Variants in SLC47A2 observed in about 807,000 individuals in gnomAD.
The protein encoded by SLC47A2 is solute carrier family 47 member 2.
A neutral mutation model predicts 67.7 loss-of-function variants in SLC47A2; 52 were observed. The ratio of observed to expected loss-of-function variants is 0.77; its 90% CI spans 0.61 to 0.97. The LOEUF (loss-of-function observed/expected upper bound fraction) is 0.97, where lower values mean the gene tolerates loss of function less well. Among genes scored for constraint, SLC47A2 ranks in the 50% least tolerant of loss-of-function variants. SLC47A2 has a pLI of 0.00. For missense variants in SLC47A2, 676 were observed against 712.3 expected (o/e 0.95, Z 0.58); for synonymous variants, 278 against 292.9 (o/e 0.95, Z 0.52).
At chr17:19,712,787 C>T in intron 4 of SLC47A2, 42 bp from the exon 5 acceptor site, 1 of 1,600,106 alleles carries the variant, frequency 6.2e-7, no homozygotes, top group South Asian at 1.1e-5. Flanking sequence ...CAGGCTGTGG[C>T]CCGGGGAGGC....
At chr17:19,688,696 C>T (rs1402496299) in intron 13 of SLC47A2, among the ~76,000 whole-genome samples, 1 of 151,908 alleles carries the variant, frequency 6.6e-6, no homozygotes, top group East Asian at 1.9e-4. Flanking sequence ...TTACACTGCA[C>T]TGCCTGCACT....
chr17:19,696,293 T>G (rs1001933671), intron 13 of SLC47A2, among the ~76,000 whole-genome samples: 1 of 73,886 alleles, frequency 1.4e-5, no homozygotes, highest in African/African-American at 5.6e-5. Flanking sequence ...TCTACTAAAA[T>G]ACAAAAAAAA....
intron 13 of SLC47A2, among the ~76,000 whole-genome samples, chr17:19,682,063 G>A (rs192505436): frequency 1.3e-5 from 2 of 152,212 alleles, no homozygotes; most frequent in Non-Finnish European, 2.9e-5. Context: ...AAATATTGTG[G>A]CTTAAAATAA....
chr17:19,704,866 C>A, intron 10 of SLC47A2: 1 of 495,964 alleles, frequency 2.0e-6, no homozygotes, highest in Non-Finnish European at 3.4e-6. Flanking sequence ...TACTCTGTTG[C>A]CTAGGCTTGA....
chr17:19,698,275 T>G (rs556114928), intron 13 of SLC47A2, among the ~76,000 whole-genome samples: 2 of 152,350 alleles, frequency 1.3e-5, no homozygotes, highest in African/African-American at 4.8e-5. Flanking sequence ...TAGTCAACCC[T>G]AATGTCTATT....
At chr17:19,702,023 C>T (rs2085798258) in intron 13 of SLC47A2, 3 of 535,620 alleles carry the variant, frequency 5.6e-6, no homozygotes, top group African/African-American at 2.1e-5. Context: ...GTGAGAGGAT[C>T]ACTTGAGCTC....
At position 19,713,838 on chromosome 17, in the gene SLC47A2, GGTCCTGCCGGAA is replaced by G. The variant is rs1414994360; in HGVS notation, c.418_429del (p.Phe140_Asp143del). The G allele has an allele frequency of 3.1e-6, 5 of 1,612,552 alleles. No homozygotes were observed. In the African/African-American group the frequency reaches 6.7e-5, roughly 22 times the overall value. On this transcript the variant is annotated inframe_deletion, in exon 4 of 17. Transcript: ENST00000433844. ...AGCCCAGCGCACCTGGACACGTCCGGGTCCTGCCGGAAGAGCAGCAGGATGTGCTGGGTGTTG... is the reference window on the plus strand; with the variant it reads ...AGCCCAGCGCACCTGGACACGTCCGGGAGCAGCAGGATGTGCTGGGTGTTG...
intron 13 of SLC47A2, among the ~76,000 whole-genome samples, chr17:19,689,688 C>T (rs1223459232): frequency 6.7e-6 from 1 of 148,654 alleles, no homozygotes; most frequent in African/African-American, 2.5e-5. Context: ...CAGAGTGAGA[C>T]CTTGTCTCAA....
At position 19,715,117 on chromosome 17, in the gene SLC47A2, G is replaced by T; in HGVS notation, c.224C>A (p.Ala75Asp). Residue 75 changes from alanine to aspartate, a missense_variant and splice_region_variant, in exon 2 of 17, where the codon GCC becomes GAC. Transcript: ENST00000433844. ...VELASVTLAV[A>D]FVNVCGVSVG... ...CTCTGGGCCAAGCTGGGTACTCACGGCCACCGCGAGGGTCACCGATGCCAG... is the reference window on the plus strand; with the variant it reads ...CTCTGGGCCAAGCTGGGTACTCACGTCCACCGCGAGGGTCACCGATGCCAG... 6.2e-7 allele frequency: 1 copy of T among 1,611,528 alleles called. No individual in the cohort carries two copies.
Position 19,714,771 on chromosome 17 carries a change from C to G in SLC47A2, c.244G>C (p.Val82Leu). Reference protein sequence around the residue: ...LAVAFVNVCGVSVGVGLSSAC... With the variant: ...LAVAFVNVCGLSVGVGLSSAC... ...GAAGACAAACCAACTCCTACAGAAA[C>G]TCCGCAGACATTGACAAACTGGCGC... Residue 82 changes from valine to leucine, a missense_variant, in exon 3 of 17, where the codon GTT becomes CTT. Transcript: ENST00000433844. 1.9e-6 allele frequency: 3 copies of G among 1,614,140 alleles called. No individual in the cohort carries two copies. The highest frequency in any genetic ancestry group is 2.5e-6 in the Non-Finnish European group (3 of 1,180,052).
intron 13 of SLC47A2, among the ~76,000 whole-genome samples, chr17:19,693,303 A>G (rs1299019117): frequency 6.6e-6 from 1 of 152,178 alleles, no homozygotes; most frequent in African/African-American, 2.4e-5. Context: ...CTAGCACCCA[A>G]TTATGAGATA....
In SLC47A2 at chr17:19,678,787, A is replaced by G. The variant is rs1325120870; in HGVS notation, c.1600T>C (p.Ser534Pro). Residue 534 changes from serine (S) to proline (P), a missense_variant, in exon 17 of 17, where the codon TCA becomes CCA. Transcript: ENST00000433844. ...CGGCGGATGACCAGCTGTTTCACTG[A>G]TAGTCTGCTGGTAGGAGCTGAAAGG... Reference protein sequence around the residue: ...HALSAPTSRLSVKQLVIRRGA... With the variant: ...HALSAPTSRLPVKQLVIRRGA... 3 of 1,614,126 alleles carry G rather than the reference A, an allele frequency of 1.9e-6. No individual in the cohort carries two copies. The highest frequency in any genetic ancestry group is 2.7e-5 in the African/African-American group (2 of 74,948).
At chr17:19,716,782 T>C (rs777473023), upstream of SLC47A2, 3 of 592,102 alleles carry the variant, frequency 5.1e-6, no homozygotes, top group African/African-American at 1.9e-5. Flanking sequence ...GACAGGTTCC[T>C]GGGAGTCACC....
chr17:19,713,729 G>A, intron 4 of SLC47A2, 96 bp downstream of exon 4: 1 of 1,509,774 alleles, frequency 6.6e-7, no homozygotes, highest in Non-Finnish European at 8.9e-7. Context: ...GTGGCCTAGA[G>A]AAGCATGGGG....
intron 5 of SLC47A2, among the ~76,000 whole-genome samples, chr17:19,712,417 A>G (rs2086125357): frequency 6.6e-6 from 1 of 152,202 alleles, no homozygotes; most frequent in Non-Finnish European, 1.5e-5. Flanking sequence ...GAGAGATAGT[A>G]ACATATGTTC....
At chr17:19,686,339 G>C (rs2085428199) in intron 13 of SLC47A2, among the ~76,000 whole-genome samples, 1 of 152,020 alleles carries the variant, frequency 6.6e-6, no homozygotes, top group Admixed American at 6.6e-5. Flanking sequence ...AAAATAAAAA[G>C]TATACTACCA....
At chr17:19,704,659 G>A in intron 10 of SLC47A2, 1 of 1,549,806 alleles carries the variant, frequency 6.5e-7, no homozygotes, top group Non-Finnish European at 8.7e-7. Context: ...GTACCCGAGT[G>A]ACATGGGCTG....
Position 19,703,150 on chromosome 17 carries a change from G to A in SLC47A2, c.1036C>T (p.Leu346=). ...VLSIVGISLV[L]GTLISILKNQ... ...TTCAGGATGCTTATCAGGGTGCCCA[G>A]GACCAGGGAAATGCCAACTGGAAGA... The change falls in exon 12 of 17, where the codon CTG becomes TTG. Residue 346 remains leucine, a synonymous_variant. Coordinates refer to ENST00000433844, the MANE Select transcript of SLC47A2 (RefSeq NM_001099646.3). 6.2e-7 allele frequency: 1 copy of A among 1,614,148 alleles called. No homozygotes were observed. Among genetic ancestry groups the A allele is most frequent in the Non-Finnish European group, 8.5e-7 (1 of 1,180,024 alleles).
intron 10 of SLC47A2, chr17:19,704,770 C>A: frequency 7.7e-7 from 1 of 1,297,624 alleles, no homozygotes; most frequent in Non-Finnish European, 1.1e-6. Flanking sequence ...TGTCACCCAG[C>A]TCTGGCCGAC....
Sources: gnomAD v4.1 joint callset for allele counts (sites outside exome capture counted in the v4.1 genomes callset) on GRCh38, gnomAD v4.1.1 for gene constraint, MANE v1.5 for transcripts, NCBI Gene and HGNC (gene_info 2026-07-23, HGNC 2026-07-21) for gene names.